Variants in TEF observed in about 807,000 individuals in gnomAD.
TEF encodes TEF transcription factor, PAR bZIP family member, also known as thyrotroph embryonic factor.
A neutral mutation model predicts 20.8 loss-of-function variants in TEF; 3 were observed. The ratio of observed to expected loss-of-function variants is 0.14; its 90% CI spans 0.07 to 0.37. The LOEUF is 0.37. Among genes scored for constraint, TEF ranks in the 10% least tolerant of loss-of-function variants. The pLI is 1.00. For synonymous variants in TEF, 180 were observed against 171.1 expected (o/e 1.05, Z -0.41); for missense variants, 296 against 397.9 (o/e 0.74, Z 2.18).
intron 1 of TEF, chr22:41,369,009 A>C: frequency 1.0e-6 from 1 of 956,214 alleles, no homozygotes; most frequent in Non-Finnish European, 1.2e-6. Flanking sequence ...GCTAAGGTAG[A>C]GGGTCCCCTC....
In TEF at chr22:41,382,153, CT is replaced by C. The variant is rs1329385323; in HGVS notation, c.110del (p.Leu37ArgfsTer3). The C allele has an allele frequency of 1.6e-6, 2 of 1,240,416 alleles. No individual in the cohort carries two copies. Among genetic ancestry groups the C allele is most frequent in the Non-Finnish European group, 1.0e-6 (1 of 992,982 alleles). 76.8% of individuals were successfully genotyped at this position (1,240,416 alleles called of 1,614,324 possible). ...GERGLSGSFP[L>X]VLKKLMENPP... ...AAGGGGCCTGTCGGGGTCCTTCCCC[CT>C]GGTCCTGAAGAAGCTGATGGAGAAC... On this transcript the variant is annotated frameshift_variant, in exon 1 of 4. Transcript: ENST00000266304. LOFTEE classifies it high-confidence loss of function.
At chr22:41,395,195 G>T (rs2037212412) in intron 3 of TEF, among the ~76,000 whole-genome samples, 1 of 152,030 alleles carries the variant, frequency 6.6e-6, no homozygotes, top group African/African-American at 2.4e-5. Context: ...TAGTAGAGAT[G>T]GGGTTTCATC....
Position 41,396,880 on chromosome 22 carries a change from T to G in TEF, c.*920T>G. 2.5e-6 allele frequency: 1 copy of G among 398,572 alleles called. No homozygotes were observed. The highest frequency in any genetic ancestry group is 4.4e-6 in the Non-Finnish European group (1 of 226,060). The allele number at this position is 398,572 out of a possible 1,614,324, so 24.7% of individuals were successfully genotyped here. On this transcript the variant is annotated 3_prime_UTR_variant, in exon 4 of 4. Transcript: ENST00000266304. ...TCTTATCTAGGAGGCTTTAACTTCCTGGACCCCAGGATTCACCTTCCTAGT... is the reference window on the plus strand; with the variant it reads ...TCTTATCTAGGAGGCTTTAACTTCCGGGACCCCAGGATTCACCTTCCTAGT...
upstream of TEF, among the ~76,000 whole-genome samples, chr22:41,380,620 C>T (rs966168873): frequency 3.9e-5 from 6 of 152,212 alleles, no homozygotes; most frequent in Non-Finnish European, 8.8e-5. Flanking sequence ...AAGCCAAGCT[C>T]TCTGCCTTCC....
intron 2 of TEF, among the ~76,000 whole-genome samples, chr22:41,389,236 T>C (rs2037136189): frequency 6.6e-6 from 1 of 151,958 alleles, no homozygotes; most frequent in South Asian, 2.1e-4. Flanking sequence ...CCATCTCTAC[T>C]AAAAAGTACA....
At chr22:41,376,493 G>A (rs1241771019) in intron 1 of TEF, among the ~76,000 whole-genome samples, 1 of 152,196 alleles carries the variant, frequency 6.6e-6, no homozygotes, top group East Asian at 1.9e-4. Context: ...CTCCCAAAGT[G>A]GTGGGATTAC....
rs890750660 is a variant in TEF at position 41,381,970 on chromosome 22, G to C, written c.-75G>C. 4.9e-6 allele frequency: 6 copies of C among 1,228,208 alleles called. No individual in the cohort carries two copies. In the African/African-American group the frequency reaches 7.8e-5, roughly 16 times the overall value. The allele number at this position is 1,228,208 out of a possible 1,614,324, so 76.1% of individuals were successfully genotyped here. A position where few individuals can be genotyped will look rare whatever the true frequency, so the allele number is the denominator to read the frequency against. ...GTAGCTGCCCGTGTCGGCAGCTGCA[G>C]CGGGTCGCACGGCTCCGGCCCATCT... On this transcript the variant is annotated 5_prime_UTR_variant, in exon 1 of 4. Transcript: ENST00000266304.
intron 1 of TEF, among the ~76,000 whole-genome samples, chr22:41,382,460 C>T (rs1332913648): frequency 6.6e-6 from 1 of 151,714 alleles, no homozygotes. Context: ...GGAGCAGTCA[C>T]TTAAATGACG....
At chr22:41,374,128 G>A (rs993695038) in intron 1 of TEF, among the ~76,000 whole-genome samples, 4 of 152,164 alleles carry the variant, frequency 2.6e-5, no homozygotes, top group African/African-American at 7.2e-5. Flanking sequence ...AATCATGGCC[G>A]GGCGCAGTGG....
intron 3 of TEF, 38 bp from the exon 4 acceptor site, chr22:41,395,707 G>A: frequency 6.3e-7 from 1 of 1,598,842 alleles, no homozygotes. Flanking sequence ...TCTCTCGTGG[G>A]GAAAGACGAG....
upstream of TEF, among the ~76,000 whole-genome samples, chr22:41,380,850 G>A (rs2037008236): frequency 6.6e-6 from 1 of 152,210 alleles, no homozygotes. Flanking sequence ...GGTACCTGGT[G>A]TCAAGGAGGT....
intron 2 of TEF, among the ~76,000 whole-genome samples, chr22:41,390,824 A>G (rs1158373116): frequency 1.3e-5 from 2 of 152,134 alleles, no homozygotes; most frequent in African/African-American, 4.8e-5. Context: ...TTGTTCATAG[A>G]GGTATCCATG....
At chr22:41,390,108 C>G (rs976572131) in intron 2 of TEF, among the ~76,000 whole-genome samples, 8 of 152,136 alleles carry the variant, frequency 5.3e-5, no homozygotes, top group African/African-American at 1.9e-4. Flanking sequence ...CCAGGTTGGT[C>G]TCAAACTCCT....
At chr22:41,386,905 A>T (rs985843817) in intron 1 of TEF, among the ~76,000 whole-genome samples, 1 of 151,142 alleles carries the variant, frequency 6.6e-6, no homozygotes, top group Non-Finnish European at 1.5e-5. Flanking sequence ...ATAGCTGGGC[A>T]TGGTGGTGCG....
At position 41,381,955 on chromosome 22, in the gene TEF, G is replaced by C. The variant is rs2037031078; in HGVS notation, c.-90G>C. 2 of 1,227,262 alleles carry C rather than the reference G, an allele frequency of 1.6e-6. No homozygotes were observed. Among genetic ancestry groups the C allele is most frequent in the Non-Finnish European group, 2.0e-6 (2 of 985,170 alleles). 76.0% of individuals were successfully genotyped at this position (1,227,262 alleles called of 1,614,324 possible). ...TTGGGCGCCTGCGCAGTAGCTGCCC[G>C]TGTCGGCAGCTGCAGCGGGTCGCAC... is the stretch of plus-strand genomic sequence containing the variant. On this transcript the variant is annotated 5_prime_UTR_variant, in exon 1 of 4. Transcript: ENST00000266304.
chr22:41,393,422 T>G (rs1449008437), intron 2 of TEF, among the ~76,000 whole-genome samples: 5 of 151,822 alleles, frequency 3.3e-5, no homozygotes. Flanking sequence ...TTCTCATTAC[T>G]GGAGATCTTG....
At chr22:41,375,531 G>T (rs533100361) in intron 1 of TEF, among the ~76,000 whole-genome samples, 2 of 152,068 alleles carry the variant, frequency 1.3e-5, no homozygotes, top group African/African-American at 4.8e-5. Context: ...CGGGCGGATC[G>T]CGAGGTCAGG....
chr22:41,376,627 A>T (rs2036945312), intron 1 of TEF, among the ~76,000 whole-genome samples: 2 of 152,204 alleles, frequency 1.3e-5, no homozygotes, highest in African/African-American at 4.8e-5. Flanking sequence ...GACATTTCAC[A>T]TCCAATCTTG....
At chr22:41,383,166 G>C (rs2037056918) in intron 1 of TEF, among the ~76,000 whole-genome samples, 1 of 152,028 alleles carries the variant, frequency 6.6e-6, no homozygotes, top group Admixed American at 6.5e-5. Flanking sequence ...GTCTGGCCTG[G>C]GGAATGGATT....
Sources: allele counts gnomAD v4.1 joint callset (sites outside exome capture counted in the v4.1 genomes callset), GRCh38; gene constraint gnomAD v4.1.1; transcripts MANE v1.5; gene names NCBI Gene and HGNC (gene_info 2026-07-23, HGNC 2026-07-21).